The following ERICH6B variants were observed in gnomAD, a reference collection of about 807,000 sequenced individuals.
The protein encoded by ERICH6B is glutamate rich 6B.
A neutral mutation model predicts 80.0 loss-of-function variants in ERICH6B; 69 were observed. That is an observed-to-expected ratio of 0.86 (90% confidence interval 0.71 to 1.05). ERICH6B has a LOEUF of 1.05. ERICH6B is among the 50% of genes least tolerant of loss of function. ERICH6B has a pLI of 0.00. For missense variants in ERICH6B, 754 were observed against 796.1 expected, an observed-to-expected ratio of 0.95 and a Z score of 0.64; for synonymous variants, 283 against 291.9, an observed-to-expected ratio of 0.97 and a Z score of 0.31.
At chr13:45,588,395 G>A (rs1304770612) in intron 4 of ERICH6B, among the ~76,000 whole-genome samples, 2 of 152,286 alleles carry the variant, frequency 1.3e-5, no homozygotes, top group South Asian at 2.1e-4. Flanking sequence ...CTGAGCAAGT[G>A]GCCAGATGTT....
In ERICH6B at chr13:45,544,913, A is replaced by C. The variant is rs1179658784; in HGVS notation, c.1719T>G (p.Asn573Lys). ...DKRQKAWNWW[N>K]LNIHVHAPPV... ...GGGGTGCGTGGACATGGATGTTCAG[A>C]TTCCACCAGTTCCAGGCCTTCTGGC... Residue 573 changes from asparagine (N) to lysine (K), a missense_variant, in exon 14 of 15, where the codon AAT (asparagine) becomes AAG (lysine). Coordinates refer to ENST00000298738, the MANE Select transcript of ERICH6B (RefSeq NM_182542.3). 3.2e-6 allele frequency: 5 copies of C among 1,551,700 alleles called. No homozygotes were observed. Among genetic ancestry groups the C allele is most frequent in the Non-Finnish European group, 4.4e-6 (5 of 1,146,998 alleles).
In ERICH6B at chr13:45,561,546, T is replaced by C; in HGVS notation, c.1250-20A>G. On this transcript the variant is annotated intron_variant, in intron 10 of 14. Coordinates refer to ENST00000298738, the MANE Select transcript of ERICH6B (RefSeq NM_182542.3). ...TTTGAGCTGCCATTCAATTCAACGA[T>C]TGCATTGAATAAGATTTTGGTGGGA... 1 of 1,549,766 alleles carries C rather than the reference T, an allele frequency of 6.5e-7. No homozygotes were observed. Among genetic ancestry groups the C allele is most frequent in the Non-Finnish European group, 8.7e-7 (1 of 1,146,232 alleles).
Position 45,580,643 on chromosome 13 carries a change from T to C in ERICH6B, c.879A>G (p.Ser293=), listed in dbSNP as rs1335891001. 2.6e-6 allele frequency: 4 copies of C among 1,551,632 alleles called. No homozygotes were observed. The highest frequency in any genetic ancestry group is 3.5e-6 in the Non-Finnish European group (4 of 1,147,018). Residue 293 remains serine, a synonymous_variant, in exon 6 of 15, where the codon TCA becomes TCG. Transcript: ENST00000298738. ...RTAVKSLKSK[S]ETEQETTTKL... is the part of the protein sequence containing the mutation. Reference sequence around the variant, plus strand: ...TCGTGGTGGTTTCTTGCTCTGTTTCTGATTTCGATTTTAAAGATTTTACTG... The same window carrying C: ...TCGTGGTGGTTTCTTGCTCTGTTTCCGATTTCGATTTTAAAGATTTTACTG...
At chr13:45,597,621 T>C (rs1876454520) in intron 2 of ERICH6B, among the ~76,000 whole-genome samples, 1 of 152,142 alleles carries the variant, frequency 6.6e-6, no homozygotes, top group African/African-American at 2.4e-5. Flanking sequence ...CGCAGCACCA[T>C]CTGCCCTCAG....
intron 9 of ERICH6B, among the ~76,000 whole-genome samples, 169 bp downstream of exon 9, chr13:45,568,146 G>A (rs1874999045): frequency 6.6e-6 from 1 of 152,170 alleles, no homozygotes; most frequent in Non-Finnish European, 1.5e-5. Flanking sequence ...TCTGACCCCT[G>A]GATCTCACCC....
intron 13 of ERICH6B, 113 bp from the exon 14 acceptor site, chr13:45,545,098 A>G: frequency 1.1e-6 from 1 of 879,828 alleles, no homozygotes; most frequent in South Asian, 1.8e-5. Context: ...ACTGACAGGG[A>G]CTTGATGGGT....
chr13:45,575,679 C>G (rs1443341489), intron 7 of ERICH6B, among the ~76,000 whole-genome samples: 5 of 152,138 alleles, frequency 3.3e-5, no homozygotes, highest in Admixed American at 2.6e-4. Flanking sequence ...AATCCCCGAG[C>G]CAGTGAGTTG....
At chr13:45,613,026 A>G (rs1183032383) in intron 1 of ERICH6B, among the ~76,000 whole-genome samples, 2 of 152,220 alleles carry the variant, frequency 1.3e-5, no homozygotes, top group Admixed American at 1.3e-4. Context: ...AGAGTCCAGG[A>G]TGGTGTCAGG....
Position 45,541,621 on chromosome 13 carries a change from G to T in ERICH6B, c.1932C>A (p.Pro644=). 6.4e-7 allele frequency: 1 copy of T among 1,551,532 alleles called. No homozygotes were observed. The change falls in exon 15 of 15, where the codon CCC becomes CCA. Residue 644 remains proline, a synonymous_variant. Coordinates refer to ENST00000298738, the MANE Select transcript of ERICH6B (RefSeq NM_182542.3). ...MKKKTILEAE[P]GPTAQKIRVL... is the part of the protein sequence containing the mutation. The stretch of plus-strand genomic sequence containing the variant: ...CCCGGATCTTCTGGGCTGTTGGGCC[G>T]GGTTCTGCCTCCAGGATGGTTTTCT...
intron 2 of ERICH6B, among the ~76,000 whole-genome samples, chr13:45,602,547 G>A (rs1949833343): frequency 6.6e-6 from 1 of 152,084 alleles, no homozygotes; most frequent in African/African-American, 2.4e-5. Flanking sequence ...GCCTTTTAAG[G>A]GTTTGAAGGT....
At position 45,550,217 on chromosome 13, in the gene ERICH6B, G is replaced by A; in HGVS notation, c.1493+14C>T. On this transcript the variant is annotated intron_variant, in intron 12 of 14. Transcript: ENST00000298738. ...TATATGTCAATACGAGCATCCCTGTGCTTCTGTGGATACTGTATCTGGCCT... is the reference window on the plus strand; with the variant it reads ...TATATGTCAATACGAGCATCCCTGTACTTCTGTGGATACTGTATCTGGCCT... 1 of 1,548,810 alleles carries A rather than the reference G, an allele frequency of 6.5e-7. No individual in the cohort carries two copies. The highest frequency in any genetic ancestry group is 8.7e-7 in the Non-Finnish European group (1 of 1,144,502).
intron 11 of ERICH6B, among the ~76,000 whole-genome samples, chr13:45,553,855 A>G (rs1874324943): frequency 6.6e-6 from 1 of 152,164 alleles, no homozygotes; most frequent in East Asian, 1.9e-4. Context: ...ACAATTAAAA[A>G]TTGTATATAT....
Position 45,550,018 on chromosome 13 carries a change from G to A in ERICH6B, c.1521C>T (p.Leu507=). 1 of 1,551,872 alleles carries A rather than the reference G, an allele frequency of 6.4e-7. No individual in the cohort carries two copies. Among genetic ancestry groups the A allele is most frequent in the Non-Finnish European group, 8.7e-7 (1 of 1,147,094 alleles). Residue 507 remains leucine (L), a synonymous_variant, in exon 13 of 15, where the codon CTC becomes CTT. Coordinates refer to ENST00000298738, the MANE Select transcript of ERICH6B (RefSeq NM_182542.3). ...IHYPSGNLAM[L]ILYAKMKKFT... is the part of the protein sequence containing the mutation. The stretch of plus-strand genomic sequence containing the variant: ...ACTTTTTCATTTTCGCATATAAGAT[G>A]AGCATAGCCAGGTTTCCTGATGGAT...
rs781268611 is a variant in ERICH6B at position 45,580,602 on chromosome 13, C to G, written c.919+1G>C. 1.3e-6 allele frequency: 2 copies of G among 1,551,614 alleles called. No homozygotes were observed. Among genetic ancestry groups the G allele is most frequent in the Non-Finnish European group, 1.7e-6 (2 of 1,146,956 alleles). ...TCATTTAAAATCATCATAAACTTTACCTTCCGGAGCCAGCTTCGTGGTGGT... is the reference window on the plus strand; with the variant it reads ...TCATTTAAAATCATCATAAACTTTAGCTTCCGGAGCCAGCTTCGTGGTGGT... On this transcript the variant is annotated splice_donor_variant, in intron 6 of 14. Coordinates refer to ENST00000298738, the MANE Select transcript of ERICH6B (RefSeq NM_182542.3). LOFTEE classifies it high-confidence loss of function.
At chr13:45,575,303 A>G (rs1189065542) in intron 7 of ERICH6B, among the ~76,000 whole-genome samples, 2 of 152,220 alleles carry the variant, frequency 1.3e-5, no homozygotes, top group Non-Finnish European at 2.9e-5. Flanking sequence ...GCAGAGGACT[A>G]GGTGCAAAGG....
At chr13:45,555,441 G>C (rs1041783034) in intron 11 of ERICH6B, 2 of 152,138 alleles carry the variant, frequency 1.3e-5, no homozygotes, top group African/African-American at 4.8e-5. Flanking sequence ...TTGGTTAACC[G>C]TGTTGATTTC....
intron 2 of ERICH6B, among the ~76,000 whole-genome samples, chr13:45,602,771 A>G (rs1949834554): frequency 6.6e-6 from 1 of 152,042 alleles, no homozygotes; most frequent in Non-Finnish European, 1.5e-5. Flanking sequence ...TCCTTCTTCA[A>G]AGGATCTCAT....
At chr13:45,590,981 T>C (rs3014932) in intron 3 of ERICH6B, among the ~76,000 whole-genome samples, 100,954 of 152,156 alleles carry the variant, frequency 0.66, 33,896 homozygotes, top group Admixed American at 0.69. Flanking sequence ...ACTTCTGTAT[T>C]GGGATGAAGG....
chr13:45,549,934 GT>G lies in ERICH6B; in HGVS notation c.1604del (p.Asn535ThrfsTer16), dbSNP rs1231666263. On this transcript the variant is annotated frameshift_variant, in exon 13 of 15. Transcript: ENST00000298738. LOFTEE classifies it high-confidence loss of function. The stretch of plus-strand genomic sequence containing the variant: ...CATCATAGAAGGTAGCATTGCCTGA[GT>G]TGTTGATAAGGGCCCGGATCCTCCC... ...LEGRIRALIN[N>X]SGNATFYDEN... 6.4e-7 allele frequency: 1 copy of G among 1,551,500 alleles called. No homozygotes were observed. Among genetic ancestry groups the G allele is most frequent in the Non-Finnish European group, 8.7e-7 (1 of 1,146,992 alleles).
Sources: gnomAD v4.1 joint callset for allele counts (sites outside exome capture counted in the v4.1 genomes callset) on GRCh38, gnomAD v4.1.1 for gene constraint, MANE v1.5 for transcripts, NCBI Gene and HGNC (gene_info 2026-07-23, HGNC 2026-07-21) for gene names.